CDH13: variants seen among roughly 807,000 people sequenced by gnomAD.
The protein encoded by CDH13 is cadherin-13.
CDH13 carries 24 observed loss-of-function variants against 63.8 expected under a neutral mutation model. The ratio of observed to expected loss-of-function variants is 0.38; its 90% CI spans 0.27 to 0.53. The LOEUF (loss-of-function observed/expected upper bound fraction) is 0.53. Among genes scored for constraint, CDH13 ranks in the 20% least tolerant of loss-of-function variants. The pLI, the probability that CDH13 is intolerant of heterozygous loss-of-function variation, is 0.85. For synonymous variants in CDH13, 503 were observed against 355.3 expected, an observed-to-expected ratio of 1.42 and a Z score of -4.67; for missense variants, 1,049 against 903.1, an observed-to-expected ratio of 1.16 and a Z score of -2.07.
At chr16:83,470,378 T>C (rs1357588822) in intron 6 of CDH13, among the ~76,000 whole-genome samples, 9 of 152,180 alleles carry the variant, frequency 5.9e-5, no homozygotes, top group Admixed American at 5.9e-4. Context: ...TTCTTGCTCA[T>C]GGCACCATCC....
At chr16:83,278,696 T>C (rs2089069218) in intron 5 of CDH13, among the ~76,000 whole-genome samples, 1 of 152,176 alleles carries the variant, frequency 6.6e-6, no homozygotes, top group African/African-American at 2.4e-5. Flanking sequence ...TAGTCTTTCA[T>C]ATGTCAGCAG....
intron 1 of CDH13, among the ~76,000 whole-genome samples, chr16:82,853,173 A>T (rs1312296454): frequency 6.6e-6 from 1 of 152,184 alleles, no homozygotes; most frequent in Non-Finnish European, 1.5e-5. Flanking sequence ...GAGGTAACAC[A>T]ACTCAATCAT....
Position 83,216,418 on chromosome 16 carries a change from ATATATATAT to A in CDH13, c.484-926_484-918del, listed in dbSNP as rs1567513917. Reference sequence around the variant, plus strand: ...TTGAAATATATATATATATATATATATATATATATATATATATATATATATACACAACCC... The same window carrying A: ...TTGAAATATATATATATATATATATAATATATATATATATATACACAACCC... On this transcript the variant is annotated intron_variant, in intron 4 of 13. Transcript: ENST00000567109. Among the ~76,000 whole-genome samples, 48 of 93,158 alleles carry A rather than the reference ATATATATAT, an allele frequency of 5.2e-4. 7 individuals carry two copies. In the East Asian group the frequency reaches 8.2e-3, roughly 16 times the overall value. The allele number at this position is 93,158 out of a possible 152,430, so 61.1% of individuals were successfully genotyped here.
At chr16:83,566,594 C>T (rs1255957540) in intron 7 of CDH13, among the ~76,000 whole-genome samples, 1 of 152,160 alleles carries the variant, frequency 6.6e-6, no homozygotes, top group Non-Finnish European at 1.5e-5. Context: ...CCCGCCCAAG[C>T]CCTGAGCAGG....
chr16:83,495,221 C>T (rs1460390767), intron 7 of CDH13, among the ~76,000 whole-genome samples: 1 of 152,070 alleles, frequency 6.6e-6, no homozygotes, highest in East Asian at 1.9e-4. Context: ...TTTAGGGGGA[C>T]ATAAGCCATT....
At chr16:83,122,035 C>G (rs1198171833) in intron 3 of CDH13, among the ~76,000 whole-genome samples, 1 of 151,990 alleles carries the variant, frequency 6.6e-6, no homozygotes, top group Non-Finnish European at 1.5e-5. Flanking sequence ...ATGAAACTAT[C>G]ATTTATCACA....
chr16:82,648,052 C>A (rs1197951865), intron 1 of CDH13, among the ~76,000 whole-genome samples: 2 of 152,166 alleles, frequency 1.3e-5, no homozygotes. Context: ...GTGAGACATG[C>A]CTTTACTCCT....
At chr16:83,409,380 C>A (rs2092094305) in intron 6 of CDH13, among the ~76,000 whole-genome samples, 1 of 152,176 alleles carries the variant, frequency 6.6e-6, no homozygotes, top group Admixed American at 6.5e-5. Flanking sequence ...GGAAAGCCCT[C>A]ATGCAGCGAC....
At chr16:83,144,281 C>T (rs986460407) in intron 4 of CDH13, among the ~76,000 whole-genome samples, 3 of 152,206 alleles carry the variant, frequency 2.0e-5, no homozygotes, top group Non-Finnish European at 4.4e-5. Context: ...GCGGTTGACA[C>T]TCTTCCAAAT....
chr16:83,385,722 T>C (rs1226432610), intron 6 of CDH13, among the ~76,000 whole-genome samples: 2 of 152,124 alleles, frequency 1.3e-5, no homozygotes, highest in African/African-American at 4.8e-5. Flanking sequence ...GGCCCCAGCA[T>C]AACTACAGGA....
At chr16:83,637,169 T>A (rs1217478504) in intron 8 of CDH13, among the ~76,000 whole-genome samples, 1 of 152,174 alleles carries the variant, frequency 6.6e-6, no homozygotes, top group Non-Finnish European at 1.5e-5. Flanking sequence ...CTAAAATTAT[T>A]TTTCTGATTA....
intron 10 of CDH13, among the ~76,000 whole-genome samples, chr16:83,709,199 T>A (rs981015726): frequency 1.3e-5 from 2 of 152,140 alleles, no homozygotes; most frequent in African/African-American, 2.4e-5. Context: ...AAGAAACAAA[T>A]TCTGCCCTGA....
intron 2 of CDH13, among the ~76,000 whole-genome samples, chr16:82,878,172 A>C (rs1226286289): frequency 6.6e-6 from 1 of 152,010 alleles, no homozygotes; most frequent in Non-Finnish European, 1.5e-5. Context: ...AGCATTCCCC[A>C]GTCTGTGTCA....
chr16:83,679,937 T>G (rs149755194), intron 10 of CDH13, among the ~76,000 whole-genome samples: 1 of 152,046 alleles, frequency 6.6e-6, no homozygotes, highest in Non-Finnish European at 1.5e-5. Flanking sequence ...TAGGGGTGGA[T>G]GGAGGTGTCT....
intron 1 of CDH13, among the ~76,000 whole-genome samples, chr16:82,648,819 G>A (rs1440845361): frequency 6.6e-6 from 1 of 152,172 alleles, no homozygotes; most frequent in African/African-American, 2.4e-5. Flanking sequence ...TTTTAAAGAA[G>A]GGAATAACAT....
intron 2 of CDH13, among the ~76,000 whole-genome samples, chr16:82,878,375 C>A (rs1192707650): frequency 1.3e-5 from 2 of 151,658 alleles, no homozygotes; most frequent in Non-Finnish European, 2.9e-5. Flanking sequence ...TCTCTTTGCT[C>A]CTAATCATCT....
intron 10 of CDH13, among the ~76,000 whole-genome samples, chr16:83,715,267 T>A (rs1382345802): frequency 2.0e-5 from 3 of 152,220 alleles, no homozygotes; most frequent in Admixed American, 6.5e-5. Flanking sequence ...TATTTTCCCA[T>A]CAGAGGTTAA....
At chr16:82,628,625 G>C (rs937856134) in intron 1 of CDH13, among the ~76,000 whole-genome samples, 1 of 152,116 alleles carries the variant, frequency 6.6e-6, no homozygotes, top group African/African-American at 2.4e-5. Flanking sequence ...CCCAGTTATA[G>C]CTCCTTTTCT....
chr16:83,455,210 A>G (rs932382390), intron 6 of CDH13, among the ~76,000 whole-genome samples: 3 of 152,200 alleles, frequency 2.0e-5, no homozygotes, highest in Non-Finnish European at 2.9e-5. Flanking sequence ...TGGATTTTTC[A>G]TCAGTGAACA....
Sources: allele counts gnomAD v4.1 joint callset (sites outside exome capture counted in the v4.1 genomes callset), GRCh38; gene constraint gnomAD v4.1.1; transcripts MANE v1.5; gene names NCBI Gene and HGNC (gene_info 2026-07-23, HGNC 2026-07-21).